PLXNB2: variants seen among roughly 807,000 people sequenced by gnomAD.
The protein encoded by PLXNB2 is plexin-B2.
Under a neutral mutation model 202.6 loss-of-function variants are expected in PLXNB2, and 85 were observed. That is an observed-to-expected ratio of 0.42 (90% CI 0.35 to 0.50). The LOEUF is 0.50. PLXNB2 is among the 20% of genes least tolerant of loss of function. The pLI is 0.02. For synonymous variants in PLXNB2, 1,239 were observed against 1,137.6 expected (o/e 1.09, Z -1.79); for missense variants, 2,063 against 2,586.2 (o/e 0.80, Z 4.39).
chr22:50,286,814 G>A (rs564517110), intron 8 of PLXNB2, among the ~76,000 whole-genome samples: 11 of 152,314 alleles, frequency 7.2e-5, no homozygotes, highest in East Asian at 5.8e-4. Context: ...CCGAGACGAC[G>A]GGGCCTGGCG....
At position 50,278,444 on chromosome 22, in the gene PLXNB2, G is replaced by T. The variant is rs2147334729; in HGVS notation, c.4723C>A (p.Pro1575Thr). 6.4e-7 allele frequency: 1 copy of T among 1,559,088 alleles called. No individual in the cohort carries two copies. Among genetic ancestry groups the T allele is most frequent in the Non-Finnish European group, 8.7e-7 (1 of 1,151,548 alleles). ...ACAGGGAGGGACTCACGCTCCCCAG[G>T]CAGGTCCTGCTGGCTGTCCTCCGGC... The part of the protein sequence containing the change: ...QQPEDSQQDL[P>T]GERHALLEEE... Residue 1575 changes from proline to threonine, a missense_variant, in exon 30 of 37, where the codon CCT (proline) becomes ACT (threonine). Physicochemically the swap from Pro to Thr is conservative, Grantham distance 38. Coordinates refer to ENST00000359337, the MANE Select transcript of PLXNB2 (RefSeq NM_012401.4).
Position 50,284,265 on chromosome 22 carries a change from G to T in PLXNB2, c.2182-52C>A. On this transcript the variant is annotated intron_variant, in intron 12 of 36. Transcript: ENST00000359337. This position sits in a 1 kb window ranked among gnomAD's most constrained non-coding sequence, Gnocchi z 8.0. ...ACTTCCTGCCCCCACAGAGGGGCGT[G>T]GGGCGGGGGTCACAAGGGCAGCCTC... The T allele has an allele frequency of 6.5e-7, 1 of 1,544,268 alleles. No individual in the cohort carries two copies. The highest frequency in any genetic ancestry group is 8.9e-7 in the Non-Finnish European group (1 of 1,119,342).
rs1375847040 is a variant in PLXNB2 at position 50,284,247 on chromosome 22, G to A, written c.2182-34C>T. On this transcript the variant is annotated intron_variant, in intron 12 of 36. Coordinates refer to ENST00000359337, the MANE Select transcript of PLXNB2 (RefSeq NM_012401.4). This position sits in a 1 kb window ranked among gnomAD's most constrained non-coding sequence, Gnocchi z 8.0. ...CACGCAGGGGCACACTGCACTTCCT[G>A]CCCCCACAGAGGGGCGTGGGGCGGG... 3.1e-6 allele frequency: 5 copies of A among 1,598,442 alleles called. 1 individual carries two copies. The South Asian group carries it at 5.5e-5, about 18-fold the overall frequency.
At chr22:50,300,782 G>A (rs1248476555) in intron 1 of PLXNB2, among the ~76,000 whole-genome samples, 1 of 152,170 alleles carries the variant, frequency 6.6e-6, no homozygotes, top group Non-Finnish European at 1.5e-5. Flanking sequence ...TGGTGGCAGT[G>A]ATGGGGTCAC....
rs759115091 is a variant in PLXNB2, at chr22:50,280,839, C to T, written c.3898G>A (p.Gly1300Ser). Residue 1300 changes from glycine (G) to serine (S), a missense_variant, in exon 24 of 37, where the codon GGC becomes AGC. Coordinates refer to ENST00000359337, the MANE Select transcript of PLXNB2 (RefSeq NM_012401.4). ...KDGDKDVMIT[G>S]KLDIPEPRRP... Reference sequence around the variant, plus strand: ...CGCGGCTCAGGGATGTCCAGCTTGCCGGTGATCATCACGTCCTTGTCGCCG... The same window carrying T: ...CGCGGCTCAGGGATGTCCAGCTTGCTGGTGATCATCACGTCCTTGTCGCCG... 10 of 1,613,280 alleles carry T rather than the reference C, an allele frequency of 6.2e-6. No homozygotes were observed. Among genetic ancestry groups the T allele is most frequent in the African/African-American group, 2.7e-5 (2 of 74,920 alleles).
rs770104930 is a variant in PLXNB2 at position 50,278,859 on chromosome 22, G to A, written c.4542C>T (p.Val1514=). 1.2e-6 allele frequency: 2 copies of A among 1,610,590 alleles called. No homozygotes were observed. Among genetic ancestry groups the A allele is most frequent in the Admixed American group, 1.7e-5 (1 of 59,894 alleles). Residue 1514 remains valine, a synonymous_variant, in exon 28 of 37, where the codon GTC becomes GTT. Coordinates refer to ENST00000359337, the MANE Select transcript of PLXNB2 (RefSeq NM_012401.4). The stretch of plus-strand genomic sequence containing the variant: ...CGGGCAGGGGCCGGCACTCACCCAG[G>A]ACCACGCTGTCTGGCCTGGGCCAGC... The part of the protein sequence containing the change: ...CSCWPRPDSV[V]LEWRPGSTAQ...
intron 6 of PLXNB2, 25 bp downstream of exon 6, chr22:50,287,912 T>TC: frequency 6.3e-7 from 1 of 1,579,390 alleles, no homozygotes; most frequent in Non-Finnish European, 8.6e-7. Flanking sequence ...GCAGGCCGTG[T>TC]CCCCGAGCCA....
intron 27 of PLXNB2, 112 bp downstream of exon 27, chr22:50,279,518 C>G (rs1012524786): frequency 4.0e-5 from 42 of 1,055,350 alleles, no homozygotes; most frequent in Non-Finnish European, 5.4e-5. Flanking sequence ...CTCGAATCCA[C>G]AGAGGAGGTG....
chr22:50,281,739 T>C lies in PLXNB2; in HGVS notation c.3349A>G (p.Thr1117Ala). The C allele has an allele frequency of 6.4e-7, 1 of 1,559,578 alleles. No individual in the cohort carries two copies. Among genetic ancestry groups the C allele is most frequent in the Non-Finnish European group, 8.7e-7 (1 of 1,151,458 alleles). Residue 1117 changes from threonine to alanine, a missense_variant, in exon 21 of 37, where the codon ACC becomes GCC. Physicochemically the swap from Thr to Ala is moderately conservative, Grantham distance 58 (BLOSUM62 0). Transcript: ENST00000359337. ...AGCGTCATCGCCTTGTTCAGATTGG[T>C]GCCCTGGGGAGGCGGCAGTGGTCGG... ...QVNKLIHARG[T>A]NLNKAMTLQE...
chr22:50,282,600 C>T, intron 18 of PLXNB2, 111 bp downstream of exon 18: 3 of 841,004 alleles, frequency 3.6e-6, no homozygotes, highest in Non-Finnish European at 5.5e-6. Context: ...GAGGCCGCCT[C>T]CCGCTGCACA....
At chr22:50,290,619 A>G in intron 2 of PLXNB2, 22 bp from the exon 3 acceptor site, 1 of 1,541,210 alleles carries the variant, frequency 6.5e-7, no homozygotes, top group Non-Finnish European at 8.7e-7. Context: ...GAGAAGGGTC[A>G]GGGGAGCCCC....
Position 50,286,056 on chromosome 22 carries a change from G to T in PLXNB2, c.1920C>A (p.Asp640Glu). The change falls in exon 10 of 37, where the codon GAC becomes GAA. Residue 640 changes from aspartate (D) to glutamate (E), a missense_variant. Physicochemically the swap from Asp to Glu is conservative, Grantham distance 45. This residue lies in a region of PLXNB2 where 1,303 missense variants were observed against 1,476.8 expected (regional missense o/e 0.88). Transcript: ENST00000359337. ...CVSNRWTCQWDLRYHECREAS... is the reference protein window; with the variant it reads ...CVSNRWTCQWELRYHECREAS... ...CCTCCCGGCACTCGTGGTAGCGCAG[G>T]TCCCACTGGCAGGTCCAGCGGTTGC... The T allele has an allele frequency of 6.2e-7, 1 of 1,612,464 alleles. No individual in the cohort carries two copies. The highest frequency in any genetic ancestry group is 8.5e-7 in the Non-Finnish European group (1 of 1,179,976).
rs1180607449 is a variant in PLXNB2 at position 50,283,402 on chromosome 22, C to G, written c.2614G>C (p.Gly872Arg). 1.9e-6 allele frequency: 3 copies of G among 1,613,286 alleles called. No homozygotes were observed. The highest frequency in any genetic ancestry group is 1.7e-4 in the Middle Eastern group (1 of 6,060). ...TTCCCGAAGACGTCCACCTCGACAC[C>G]CCCCGTGAAAGGCGTCTCCGCAGCC... ...IEAAETPFTG[G>R]VEVDVFGKLG... The change falls in exon 16 of 37, where the codon GGT becomes CGT. Residue 872 changes from glycine (G) to arginine (R), a missense_variant. This residue lies in a region of PLXNB2 where 1,303 missense variants were observed against 1,476.8 expected (regional missense o/e 0.88). Coordinates refer to ENST00000359337, the MANE Select transcript of PLXNB2 (RefSeq NM_012401.4).
In PLXNB2 at chr22:50,289,645, A is replaced by G; in HGVS notation, c.940T>C (p.Phe314Leu). 1 of 1,609,696 alleles carries G rather than the reference A, an allele frequency of 6.2e-7. No homozygotes were observed. Among genetic ancestry groups the G allele is most frequent in the Non-Finnish European group, 8.5e-7 (1 of 1,179,782 alleles). Residue 314 changes from phenylalanine to leucine, a missense_variant, in exon 3 of 37, where the codon TTC becomes CTC. Physicochemically the swap from Phe to Leu is conservative, Grantham distance 22. Around this residue, in one of 2 missense-constraint regions of PLXNB2, gnomAD observed 1,303 missense variants for 1,476.8 expected, o/e 0.88. Transcript: ENST00000359337. This position sits in a 1 kb window ranked among gnomAD's most constrained non-coding sequence, Gnocchi z 8.0. ...SGGPGAGLCLFPLDKVHAKME... is the reference protein window; with the variant it reads ...SGGPGAGLCLLPLDKVHAKME... Reference sequence around the variant, plus strand: ...TTGGCGTGCACCTTGTCCAGCGGGAACAGGCAGAGGCCCGCACCGGGCCCC... The same window carrying G: ...TTGGCGTGCACCTTGTCCAGCGGGAGCAGGCAGAGGCCCGCACCGGGCCCC...
intron 1 of PLXNB2, 86 bp from the exon 2 acceptor site, chr22:50,294,864 T>C (rs2067144666): frequency 1.5e-6 from 1 of 680,418 alleles, no homozygotes; most frequent in Non-Finnish European, 1.8e-6. Context: ...TGGTGGGGCT[T>C]GGGGGAAGAA....
At position 50,284,424 on chromosome 22, in the gene PLXNB2, C is replaced by T. The variant is rs988580921; in HGVS notation, c.2181+149G>A. On this transcript the variant is annotated intron_variant, in intron 12 of 36. Coordinates refer to ENST00000359337, the MANE Select transcript of PLXNB2 (RefSeq NM_012401.4). The surrounding 1 kb of genome is among the most constrained non-coding windows in gnomAD (Gnocchi z 8.0). ...AGGCAGAGGGCAGAGGGGGCTTCCCCAGCAGCACAGGGCATGGCGAGCCCC... is the reference window on the plus strand; with the variant it reads ...AGGCAGAGGGCAGAGGGGGCTTCCCTAGCAGCACAGGGCATGGCGAGCCCC... The T allele has an allele frequency of 1.4e-6, 1 of 728,496 alleles. No individual in the cohort carries two copies. Among genetic ancestry groups the T allele is most frequent in the Admixed American group, 2.3e-5 (1 of 42,988 alleles). The allele number at this position is 728,496 out of a possible 1,614,324, so 45.1% of individuals were successfully genotyped here. A position where few individuals can be genotyped will look rare whatever the true frequency, so the allele number is the denominator to read the frequency against.
chr22:50,280,996 C>T (rs747486582), intron 23 of PLXNB2, 23 bp from the exon 24 acceptor site: 29 of 1,608,288 alleles, frequency 1.8e-5, no homozygotes, highest in Non-Finnish European at 2.2e-5. Flanking sequence ...TGGCGTGAGA[C>T]GTCCCTGGCC....
At chr22:50,278,340 T>C in intron 30 of PLXNB2, 69 bp from the exon 31 acceptor site, 2 of 1,585,514 alleles carry the variant, frequency 1.3e-6, no homozygotes, top group African/African-American at 2.7e-5. Flanking sequence ...GGAGCAGTGG[T>C]GGCAGGGTGG....
Position 50,297,951 on chromosome 22 carries a change from G to C in PLXNB2, c.-73-3173C>G, listed in dbSNP as rs777018995. Among the ~76,000 whole-genome samples, 9 of 152,116 alleles carry C rather than the reference G, an allele frequency of 5.9e-5. No homozygotes were observed. The highest frequency in any genetic ancestry group is 1.0e-4 in the Non-Finnish European group (7 of 68,016). On this transcript the variant is annotated intron_variant, in intron 1 of 36. Transcript: ENST00000359337. The surrounding 1 kb of genome is among the most constrained non-coding windows in gnomAD (Gnocchi z 5.3). ...CGACATTCCCACGTCCATGTTCACT[G>C]TGCTCCCTGGAAAGCCCCTGCCCAT...
Sources: allele counts gnomAD v4.1 joint callset (sites outside exome capture counted in the v4.1 genomes callset), GRCh38; gene constraint gnomAD v4.1.1; regional missense constraint gnomAD v4.1.1; non-coding constraint Gnocchi (gnomAD v3.1); transcripts MANE v1.5; gene names NCBI Gene and HGNC (gene_info 2026-07-23, HGNC 2026-07-21).